MED13L: variants seen among roughly 807,000 people sequenced by gnomAD.
The protein encoded by MED13L is mediator complex subunit 13L.
Under a neutral mutation model 220.9 loss-of-function variants are expected in MED13L, and 7 were observed. The observed-to-expected ratio is 0.03, with a 90% CI of 0.02 to 0.06. MED13L has a LOEUF of 0.06. Ranked by LOEUF, MED13L falls within the 10% of genes least tolerant of loss-of-function variation. MED13L has a pLI of 1.00. For synonymous variants in MED13L, 1,011 were observed against 1,015.2 expected (o/e 1.00, Z 0.08); for missense variants, 1,965 against 2,760.5 (o/e 0.71, Z 6.46).
intron 4 of MED13L, among the ~76,000 whole-genome samples, chr12:116,069,694 T>A (rs765213598): frequency 3.9e-5 from 6 of 152,296 alleles, no homozygotes; most frequent in Admixed American, 3.9e-4. Context: ...CAGTCCAAAA[T>A]CCAAAACTTT....
intron 2 of MED13L, among the ~76,000 whole-genome samples, chr12:116,129,638 G>A (rs1210066457): frequency 6.6e-6 from 1 of 152,172 alleles, no homozygotes; most frequent in East Asian, 1.9e-4. Context: ...GCCGGGCACG[G>A]TGGCTCACGC....
chr12:116,194,895 C>T (rs1881518265), intron 2 of MED13L, among the ~76,000 whole-genome samples: 2 of 152,108 alleles, frequency 1.3e-5, no homozygotes, highest in South Asian at 4.2e-4. Flanking sequence ...CCAGCATCAC[C>T]ATGAAACAGA....
intron 2 of MED13L, among the ~76,000 whole-genome samples, chr12:116,132,279 CAAAAA>C (rs1005783459): frequency 1.2e-4 from 9 of 77,414 alleles, no homozygotes; most frequent in Non-Finnish European, 1.6e-4. Flanking sequence ...TACTTCGTCT[CAAAAA>C]AAAAAAAAAA....
At chr12:116,189,650 T>A (rs1291775214) in intron 2 of MED13L, among the ~76,000 whole-genome samples, 1 of 152,222 alleles carries the variant, frequency 6.6e-6, no homozygotes, top group Non-Finnish European at 1.5e-5. Flanking sequence ...GAATAAACTT[T>A]TGCATAAAGT....
In MED13L at chr12:116,140,823, G is replaced by C. The variant is rs80112462; in HGVS notation, c.311-29311C>G. Among the ~76,000 whole-genome samples the C allele has an allele frequency of 6.4e-4, 98 of 152,246 alleles. No individual in the cohort carries two copies. In the East Asian group the frequency reaches 0.013, roughly 20 times the overall value. On this transcript the variant is annotated intron_variant, in intron 2 of 30. Transcript: ENST00000281928. ...TATCTTAGGGAGGCTTCTAACTAAA[G>C]TCCATCCTACTCTGTAGGAAAAGTG...
At chr12:116,120,409 C>A (rs543154073) in intron 2 of MED13L, among the ~76,000 whole-genome samples, 118 of 144,212 alleles carry the variant, frequency 8.2e-4, no homozygotes, top group African/African-American at 2.9e-3. Context: ...TCAGACAAAA[C>A]CACATTTTGG....
chr12:116,124,308 G>A (rs1313421613), intron 2 of MED13L, among the ~76,000 whole-genome samples: 1 of 152,036 alleles, frequency 6.6e-6, no homozygotes, highest in Non-Finnish European at 1.5e-5. Flanking sequence ...ACAGTCTATG[G>A]CAAATATTGC....
chr12:116,195,114 A>T (rs1486434284), intron 2 of MED13L, among the ~76,000 whole-genome samples: 1 of 152,212 alleles, frequency 6.6e-6, no homozygotes, highest in Non-Finnish European at 1.5e-5. Context: ...TTCAGGAAGT[A>T]TGTCTTCTCA....
intron 2 of MED13L, among the ~76,000 whole-genome samples, chr12:116,170,847 C>T (rs1033129204): frequency 6.6e-6 from 1 of 152,120 alleles, no homozygotes; most frequent in Non-Finnish European, 1.5e-5. Context: ...CTGATCCACA[C>T]GCCTCAGCCT....
intron 4 of MED13L, among the ~76,000 whole-genome samples, chr12:116,072,135 A>G (rs935802350): frequency 2.0e-5 from 3 of 152,232 alleles, no homozygotes; most frequent in African/African-American, 4.8e-5. Context: ...ACAGTTCACC[A>G]AATAACACAG....
At chr12:116,161,479 T>C (rs1401312627) in intron 2 of MED13L, among the ~76,000 whole-genome samples, 1 of 152,110 alleles carries the variant, frequency 6.6e-6, no homozygotes, top group Non-Finnish European at 1.5e-5. Context: ...CTCCAAAAAA[T>C]ATCAATAAGA....
At chr12:116,045,856 T>C (rs1269146954) in intron 4 of MED13L, among the ~76,000 whole-genome samples, 1 of 151,786 alleles carries the variant, frequency 6.6e-6, no homozygotes, top group Non-Finnish European at 1.5e-5. Context: ...AAATCACCAA[T>C]AACAAGACAT....
chr12:116,056,239 T>C (rs548268741), intron 4 of MED13L, among the ~76,000 whole-genome samples: 1 of 151,988 alleles, frequency 6.6e-6, no homozygotes, highest in Non-Finnish European at 1.5e-5. Flanking sequence ...TAATAATGTA[T>C]GCATTTTCTA....
chr12:116,071,247 A>G (rs1333515010), intron 4 of MED13L, among the ~76,000 whole-genome samples: 1 of 152,224 alleles, frequency 6.6e-6, no homozygotes, highest in Non-Finnish European at 1.5e-5. Context: ...ATTAAATTTT[A>G]AGATAAATGA....
intron 2 of MED13L, among the ~76,000 whole-genome samples, chr12:116,126,967 T>C (rs554060539): frequency 6.6e-6 from 1 of 152,298 alleles, no homozygotes; most frequent in South Asian, 2.1e-4. Context: ...CTACCCACCA[T>C]TCAGAATAGA....
chr12:116,182,761 A>C (rs905627028), intron 2 of MED13L, among the ~76,000 whole-genome samples: 2 of 152,188 alleles, frequency 1.3e-5, no homozygotes, highest in Non-Finnish European at 2.9e-5. Flanking sequence ...ACTCTAACAT[A>C]TATTACATGT....
chr12:116,131,970 G>A (rs986155812), intron 2 of MED13L, among the ~76,000 whole-genome samples: 5 of 149,902 alleles, frequency 3.3e-5, no homozygotes, highest in Admixed American at 6.6e-5. Context: ...GTGGCAGAGC[G>A]CAACTCCATC....
chr12:116,233,525 AG>A (rs1288809180), intron 2 of MED13L, among the ~76,000 whole-genome samples: 2 of 152,146 alleles, frequency 1.3e-5, no homozygotes, highest in Admixed American at 1.3e-4. Context: ...AGCCTTTTAG[AG>A]GGGAGACTAT....
At chr12:116,135,560 A>C (rs1370095503) in intron 2 of MED13L, among the ~76,000 whole-genome samples, 1 of 152,214 alleles carries the variant, frequency 6.6e-6, no homozygotes, top group African/African-American at 2.4e-5. Flanking sequence ...AACATAATGA[A>C]ATGGTTGCCA....
Sources: gnomAD v4.1 joint callset for allele counts (sites outside exome capture counted in the v4.1 genomes callset) on GRCh38, gnomAD v4.1.1 for gene constraint, MANE v1.5 for transcripts, NCBI Gene and HGNC (gene_info 2026-07-23, HGNC 2026-07-21) for gene names.